The following LRRC7 variants were observed in gnomAD, a reference collection of about 807,000 sequenced individuals.
LRRC7 encodes the protein leucine rich repeat containing 7, also known as leucine-rich repeat-containing protein 7.
LRRC7 carries 23 observed loss-of-function variants against 175.7 expected under a neutral mutation model. That is an observed-to-expected ratio of 0.13 (90% CI 0.09 to 0.19). The LOEUF is 0.19. LRRC7 is among the 10% of genes least tolerant of loss of function. The pLI, the probability that LRRC7 is intolerant of heterozygous loss-of-function variation, is 1.00. For missense variants in LRRC7, 1,354 were observed against 1,904.7 expected (o/e 0.71, Z 5.38); for synonymous variants, 685 against 680.9 (o/e 1.01, Z -0.09).
At chr1:69,591,718 A>G (rs1339444911) in intron 1 of LRRC7, among the ~76,000 whole-genome samples, 2 of 152,182 alleles carry the variant, frequency 1.3e-5, no homozygotes, top group African/African-American at 4.8e-5. Flanking sequence ...TCAGGTGAGT[A>G]CTTACCTATC....
chr1:69,914,792 T>C (rs1646637468), intron 7 of LRRC7, among the ~76,000 whole-genome samples: 1 of 152,130 alleles, frequency 6.6e-6, no homozygotes, highest in South Asian at 2.1e-4. Flanking sequence ...AACAAAACCA[T>C]GTCTATTTGT....
chr1:69,609,871 T>C (rs1386633850), intron 1 of LRRC7, among the ~76,000 whole-genome samples: 1 of 152,096 alleles, frequency 6.6e-6, no homozygotes, highest in Non-Finnish European at 1.5e-5. Flanking sequence ...CAACCGGCAT[T>C]TTATAAGCTG....
chr1:69,832,540 A>G (rs558222700), intron 5 of LRRC7, among the ~76,000 whole-genome samples: 2 of 152,268 alleles, frequency 1.3e-5, no homozygotes, highest in Admixed American at 6.5e-5. Context: ...ATTCCTAACT[A>G]ATCAGCGAAA....
At chr1:70,074,110 G>A (rs1662594204) in intron 23 of LRRC7, among the ~76,000 whole-genome samples, 1 of 151,866 alleles carries the variant, frequency 6.6e-6, no homozygotes, top group Non-Finnish European at 1.5e-5. Flanking sequence ...GCTGAGGCAG[G>A]AGAATCACTT....
At chr1:69,638,631 G>T (rs1412498921) in intron 1 of LRRC7, among the ~76,000 whole-genome samples, 1 of 151,606 alleles carries the variant, frequency 6.6e-6, no homozygotes, top group African/African-American at 2.4e-5. Flanking sequence ...AGAATCTGTA[G>T]AACCAGATAT....
rs952591045 is a variant in LRRC7, at chr1:69,613,760, A to C, written c.2+45119A>C. Among the ~76,000 whole-genome samples, 8 of 152,174 alleles carry C rather than the reference A, an allele frequency of 5.3e-5. 1 individual carries two copies. On this transcript the variant is annotated intron_variant, in intron 1 of 26. Transcript: ENST00000651989. ...ACATGTTTCTAGATTTGGCAAGCAG[A>C]AGCATTTTCATAACTGCTGGTGGAT... is the stretch of plus-strand genomic sequence containing the variant.
chr1:69,762,324 C>T (rs1314710215), intron 3 of LRRC7, among the ~76,000 whole-genome samples: 1 of 151,966 alleles, frequency 6.6e-6, no homozygotes, highest in Non-Finnish European at 1.5e-5. Flanking sequence ...AAATAAATCT[C>T]GATCTCTGCC....
chr1:69,712,030 A>G (rs751870683), intron 2 of LRRC7, among the ~76,000 whole-genome samples: 3 of 152,214 alleles, frequency 2.0e-5, no homozygotes, highest in Non-Finnish European at 2.9e-5. Flanking sequence ...TATTTCAAAA[A>G]TTTTGACTAA....
chr1:69,629,940 G>C (rs1025306593), intron 1 of LRRC7, among the ~76,000 whole-genome samples: 3 of 152,008 alleles, frequency 2.0e-5, no homozygotes, highest in African/African-American at 7.2e-5. Flanking sequence ...TTAAATCACA[G>C]AGAATATAGA....
rs1235308436 is a variant in LRRC7, at chr1:70,076,315, T to C, written c.4452+17T>C. ...CCAGAGCAGGTGAGAAGTGTTTCTT[T>C]ATTACTGAAAAATCTTCAGGTAAGA... On this transcript the variant is annotated intron_variant, in intron 24 of 26. Transcript: ENST00000651989. 3 of 1,609,840 alleles carry C rather than the reference T, an allele frequency of 1.9e-6. No homozygotes were observed. The highest frequency in any genetic ancestry group is 2.5e-6 in the Non-Finnish European group (3 of 1,176,758).
intron 13 of LRRC7, among the ~76,000 whole-genome samples, chr1:70,013,608 C>G (rs370401326): frequency 5.3e-4 from 80 of 151,918 alleles, no homozygotes; most frequent in African/African-American, 1.8e-3. Flanking sequence ...AGGATAGGTC[C>G]TTTACTTCCA....
chr1:69,865,469 CTTTTTTTTTTT>C (rs532063540), intron 7 of LRRC7, among the ~76,000 whole-genome samples: 7 of 51,266 alleles, frequency 1.4e-4, no homozygotes, highest in East Asian at 9.6e-4. Flanking sequence ...AAGACAGTTC[CTTTTTTTTTTT>C]TTTTTTTTTT....
chr1:69,837,664 A>G (rs1172652120), intron 6 of LRRC7, among the ~76,000 whole-genome samples: 1 of 151,806 alleles, frequency 6.6e-6, no homozygotes, highest in Admixed American at 6.6e-5. Context: ...GTATACATTC[A>G]ATTATCTATT....
intron 1 of LRRC7, among the ~76,000 whole-genome samples, chr1:69,614,525 C>A (rs1294129318): frequency 6.6e-6 from 1 of 152,016 alleles, no homozygotes; most frequent in Non-Finnish European, 1.5e-5. Flanking sequence ...ATAAAACTCT[C>A]ATTTGCCCTG....
intron 7 of LRRC7, among the ~76,000 whole-genome samples, chr1:69,922,284 A>G (rs1179478372): frequency 6.6e-6 from 1 of 151,982 alleles, no homozygotes; most frequent in Non-Finnish European, 1.5e-5. Context: ...GATCTCTTCC[A>G]TCCTACCTCT....
Position 69,929,353 on chromosome 1 carries a change from A to C in LRRC7, c.648-2154A>C, listed in dbSNP as rs1647195768. 3.3e-5 allele frequency among the ~76,000 whole-genome samples: 5 copies of C among 152,116 alleles called. No homozygotes were observed. In the South Asian group the frequency reaches 1.0e-3, roughly 32 times the overall value. ...CTAGAGTAGAAATTTCCAACTGAAC[A>C]CCTAAAACTGAACTTCCAGTCTACC... is the stretch of plus-strand genomic sequence containing the variant. On this transcript the variant is annotated intron_variant, in intron 7 of 26. Transcript: ENST00000651989.
At chr1:69,620,706 G>A (rs35094542) in intron 1 of LRRC7, among the ~76,000 whole-genome samples, 40,818 of 152,026 alleles carry the variant, frequency 0.27, 5,803 homozygotes, top group East Asian at 0.36. Context: ...AGTTCTTAAC[G>A]ATATTCCTCC....
intron 14 of LRRC7, among the ~76,000 whole-genome samples, chr1:70,017,266 G>T (rs914245926): frequency 9.3e-6 from 1 of 107,990 alleles, no homozygotes; most frequent in African/African-American, 3.4e-5. Context: ...CTCTGTCTCA[G>T]AAAAAAAAAA....
At chr1:70,023,626 A>G (rs1458605941) in intron 17 of LRRC7, among the ~76,000 whole-genome samples, 1 of 151,362 alleles carries the variant, frequency 6.6e-6, no homozygotes, top group African/African-American at 2.4e-5. Context: ...ATGGTTTTTG[A>G]GTTGGGTGCT....
Sources: gnomAD v4.1 joint callset for allele counts (sites outside exome capture counted in the v4.1 genomes callset) on GRCh38, gnomAD v4.1.1 for gene constraint, MANE v1.5 for transcripts, NCBI Gene and HGNC (gene_info 2026-07-23, HGNC 2026-07-21) for gene names.